The following FRMD3 variants were observed in gnomAD, a reference collection of about 807,000 sequenced individuals.
FRMD3 encodes FERM domain-containing protein 3.
A neutral mutation model predicts 70.2 loss-of-function variants in FRMD3; 33 were observed. The ratio of observed to expected loss-of-function variants is 0.47; its 90% CI spans 0.36 to 0.63. The LOEUF (loss-of-function observed/expected upper bound fraction) is 0.63. Among genes scored for constraint, FRMD3 ranks in the 20% least tolerant of loss-of-function variants. The pLI is 0.00. For missense variants in FRMD3, 632 were observed against 711.4 expected (o/e 0.89, Z 1.27); for synonymous variants, 279 against 255.9 (o/e 1.09, Z -0.86).
intron 10 of FRMD3, among the ~76,000 whole-genome samples, chr9:83,301,517 G>C (rs1435704865): frequency 4.2e-5 from 3 of 71,634 alleles, no homozygotes; most frequent in Non-Finnish European, 2.8e-5. Flanking sequence ...GGGACAAAGT[G>C]GTTGGCTTAA....
At chr9:83,515,305 C>T (rs117547912) in intron 1 of FRMD3, among the ~76,000 whole-genome samples, 8,119 of 152,098 alleles carry the variant, frequency 0.053, 305 homozygotes, top group East Asian at 0.2. Context: ...AAACACAGCA[C>T]GAAAGCTTCG....
At chr9:83,464,957 T>C (rs549706205) in intron 1 of FRMD3, among the ~76,000 whole-genome samples, 5 of 151,052 alleles carry the variant, frequency 3.3e-5, no homozygotes, top group African/African-American at 1.2e-4. Flanking sequence ...GAGATTGAGG[T>C]TGCAGTGAGC....
At chr9:83,308,014 T>C (rs1390848691) in intron 10 of FRMD3, among the ~76,000 whole-genome samples, 4 of 152,156 alleles carry the variant, frequency 2.6e-5, no homozygotes, top group African/African-American at 9.7e-5. Context: ...CACAAAGACC[T>C]TGAGGTGGTG....
chr9:83,443,985 G>T (rs553418485), intron 1 of FRMD3, among the ~76,000 whole-genome samples: 13 of 152,228 alleles, frequency 8.5e-5, no homozygotes, highest in African/African-American at 2.9e-4. Context: ...GAATAAACAA[G>T]GGTCATTCAG....
chr9:83,475,816 C>T (rs2131466800), intron 1 of FRMD3, among the ~76,000 whole-genome samples: 1 of 152,234 alleles, frequency 6.6e-6, no homozygotes, highest in South Asian at 2.1e-4. Flanking sequence ...ACAAGCCTCA[C>T]TTAATAAAGT....
upstream of FRMD3, among the ~76,000 whole-genome samples, chr9:83,541,208 G>A (rs1470901941): frequency 6.6e-6 from 1 of 152,136 alleles, no homozygotes; most frequent in Non-Finnish European, 1.5e-5. Flanking sequence ...CACCCTAGGA[G>A]ACCAACTATA....
At chr9:83,411,642 G>A (rs1404420588) in intron 1 of FRMD3, among the ~76,000 whole-genome samples, 2 of 152,180 alleles carry the variant, frequency 1.3e-5, no homozygotes, top group East Asian at 3.9e-4. Flanking sequence ...AGTGGGGTGG[G>A]GGCTACAAAC....
At chr9:83,527,169 G>A (rs937525132) in intron 1 of FRMD3, among the ~76,000 whole-genome samples, 2 of 152,174 alleles carry the variant, frequency 1.3e-5, no homozygotes, top group Admixed American at 1.3e-4. Context: ...CAGGGTACAG[G>A]AAAGCAAGAC....
At chr9:83,464,183 G>A (rs1289786369) in intron 1 of FRMD3, among the ~76,000 whole-genome samples, 4 of 152,158 alleles carry the variant, frequency 2.6e-5, no homozygotes, top group African/African-American at 9.7e-5. Context: ...TAATGCTGAC[G>A]GTAAGCCTCA....
At chr9:83,312,062 A>G (rs1835383198) in intron 7 of FRMD3, 87 bp from the exon 8 acceptor site, 1 of 1,001,562 alleles carries the variant, frequency 1.0e-6, no homozygotes, top group Non-Finnish European at 1.5e-6. Context: ...ATTCATCCTC[A>G]CCCTAGGTTA....
At chr9:83,497,047 G>A (rs1443123978) in intron 1 of FRMD3, among the ~76,000 whole-genome samples, 1 of 152,160 alleles carries the variant, frequency 6.6e-6, no homozygotes, top group Non-Finnish European at 1.5e-5. Flanking sequence ...CTGGGAGGTG[G>A]AGGTTGCAGT....
At chr9:83,539,868 G>A (rs951006605), upstream of FRMD3, among the ~76,000 whole-genome samples, 5 of 152,322 alleles carry the variant, frequency 3.3e-5, no homozygotes, top group East Asian at 7.7e-4. Flanking sequence ...TATTGCTTAT[G>A]AATATTTAGA....
intron 12 of FRMD3, chr9:83,297,732 G>A (rs1264791360): frequency 2.1e-6 from 1 of 471,610 alleles, no homozygotes; most frequent in African/African-American, 2.0e-5. Flanking sequence ...TTCTTACAGT[G>A]TGATAGCCTG....
At chr9:83,430,613 C>CT (rs1195886173) in intron 1 of FRMD3, among the ~76,000 whole-genome samples, 2 of 151,912 alleles carry the variant, frequency 1.3e-5, no homozygotes, top group African/African-American at 2.4e-5. Flanking sequence ...AAATGGCTTG[C>CT]TTTTTTTTAA....
At chr9:83,451,310 AAAG>A (rs565202452) in intron 1 of FRMD3, among the ~76,000 whole-genome samples, 26 of 152,150 alleles carry the variant, frequency 1.7e-4, no homozygotes, top group African/African-American at 5.1e-4. Flanking sequence ...AAATTTAAAA[AAAG>A]AAGAAGAGCA....
At chr9:83,260,645 G>A (rs1394791586) in intron 13 of FRMD3, among the ~76,000 whole-genome samples, 1 of 152,170 alleles carries the variant, frequency 6.6e-6, no homozygotes, top group Non-Finnish European at 1.5e-5. Context: ...TCATAGCCAC[G>A]ATAGAAGCCA....
At chr9:83,451,389 TCACACACACACACACA>T (rs10611241) in intron 1 of FRMD3, among the ~76,000 whole-genome samples, 1 of 147,478 alleles carries the variant, frequency 6.8e-6, no homozygotes, top group Non-Finnish European at 1.5e-5. Flanking sequence ...AATACATACA[TCACACACACACACACA>T]CACACACACA....
At chr9:83,530,702 AGT>A in intron 1 of FRMD3, among the ~76,000 whole-genome samples, 1 of 152,288 alleles carries the variant, frequency 6.6e-6, no homozygotes, top group East Asian at 1.9e-4. Flanking sequence ...TTTTGAAAAT[AGT>A]TTTTTTTTAA....
chr9:83,371,779 C>G (rs966881326), intron 3 of FRMD3, among the ~76,000 whole-genome samples: 1 of 151,924 alleles, frequency 6.6e-6, no homozygotes, highest in Non-Finnish European at 1.5e-5. Context: ...TCCTCACTAA[C>G]CAGACAGAGT....
Sources: allele counts gnomAD v4.1 joint callset (sites outside exome capture counted in the v4.1 genomes callset), GRCh38; gene constraint gnomAD v4.1.1; transcripts MANE v1.5; gene names NCBI Gene and HGNC (gene_info 2026-07-23, HGNC 2026-07-21).